Variants in CPEB2 observed in about 807,000 individuals in gnomAD.
CPEB2 encodes cytoplasmic polyadenylation element-binding protein 2.
In CPEB2, 56 loss-of-function variants were observed where a neutral mutation model predicts 93.6. The ratio of observed to expected loss-of-function variants is 0.60; its 90% CI spans 0.48 to 0.75. The LOEUF (loss-of-function observed/expected upper bound fraction) is 0.75, where lower values mean the gene tolerates loss of function less well. Ranked by LOEUF, CPEB2 falls within the 30% of genes least tolerant of loss-of-function variation. The pLI, the probability that CPEB2 is intolerant of heterozygous loss-of-function variation, is 0.00. For synonymous variants in CPEB2, 764 were observed against 586.3 expected, an observed-to-expected ratio of 1.30 and a Z score of -4.38; for missense variants, 1,579 against 1,395.1, an observed-to-expected ratio of 1.13 and a Z score of -2.10.
chr4:15,005,489 G>A (rs1336598322), intron 1 of CPEB2, among the ~76,000 whole-genome samples: 4 of 152,174 alleles, frequency 2.6e-5, no homozygotes, highest in Non-Finnish European at 1.5e-5. Context: ...CCGCTAGATT[G>A]GTAAATTGGC....
chr4:15,034,542 G>A (rs1456039082), intron 5 of CPEB2, among the ~76,000 whole-genome samples: 2 of 152,104 alleles, frequency 1.3e-5, no homozygotes, highest in East Asian at 3.9e-4. Flanking sequence ...GTCATTTGGG[G>A]CCACAATGCA....
chr4:15,017,049 T>A, intron 3 of CPEB2, 139 bp from the exon 4 acceptor site: 2 of 591,830 alleles, frequency 3.4e-6, no homozygotes, highest in South Asian at 4.0e-5. Flanking sequence ...TCTTTAGTTA[T>A]TGGTATTTTT....
Position 15,007,530 on chromosome 4 carries a change from A to T in CPEB2, c.1888A>T (p.Ile630Phe), listed in dbSNP as rs1162099509. ...TCCATCACTGACTCCAAAATCTTGG[A>T]TTGAAGATAATGTGTTCAGAACAGA... is the stretch of plus-strand genomic sequence containing the variant. Reference protein sequence around the residue: ...STPSLTPKSWIEDNVFRTDNN... With the variant: ...STPSLTPKSWFEDNVFRTDNN... The change falls in exon 2 of 12, where the codon ATT becomes TTT. Residue 630 changes from isoleucine (I) to phenylalanine (F), a missense_variant. By Grantham distance (21) the Ile-to-Phe change is conservative. Transcript: ENST00000538197. 5 of 1,613,846 alleles carry T rather than the reference A, an allele frequency of 3.1e-6. No individual in the cohort carries two copies. In the South Asian group the frequency reaches 5.5e-5, roughly 18 times the overall value.
chr4:15,003,216 G>A lies in CPEB2; in HGVS notation c.543G>A (p.Glu181=). 6.5e-7 allele frequency: 1 copy of A among 1,532,446 alleles called. No individual in the cohort carries two copies. Among genetic ancestry groups the A allele is most frequent in the Non-Finnish European group, 8.7e-7 (1 of 1,145,698 alleles). The allele number at this position is 1,532,446 out of a possible 1,614,324, so 94.9% of individuals were successfully genotyped here. A position where few individuals can be genotyped will look rare whatever the true frequency, so the allele number is the denominator to read the frequency against. Residue 181 remains glutamate (E), a synonymous_variant, in exon 1 of 12, where the codon GAG becomes GAA. Transcript: ENST00000538197. ...AGCTGAGCAGCCAGAAGAGGAAAGA[G>A]TTCAGCCCTCCCCACCTTCCCCACC... ...QQQLSSQKRK[E]FSPPHLPHPP... is the part of the protein sequence containing the mutation.
At chr4:15,065,211 A>T (rs962630811) in intron 11 of CPEB2, among the ~76,000 whole-genome samples, 2 of 152,066 alleles carry the variant, frequency 1.3e-5, no homozygotes, top group Non-Finnish European at 2.9e-5. Context: ...TCATGCAAGT[A>T]TTTCAGTAGA....
intron 5 of CPEB2, among the ~76,000 whole-genome samples, chr4:15,033,498 T>C (rs950229066): frequency 6.6e-6 from 1 of 152,234 alleles, no homozygotes; most frequent in African/African-American, 2.4e-5. Flanking sequence ...GACAGATTAC[T>C]ATTACCTTAG....
intron 6 of CPEB2, among the ~76,000 whole-genome samples, chr4:15,044,935 A>T (rs1285049819): frequency 6.6e-6 from 1 of 152,182 alleles, no homozygotes; most frequent in Non-Finnish European, 1.5e-5. Flanking sequence ...TATTATAACT[A>T]CTATTTTGCC....
chr4:15,002,579 T>C lies in CPEB2; in HGVS notation c.-95T>C. 9.7e-7 allele frequency: 1 copy of C among 1,032,976 alleles called. No homozygotes were observed. The highest frequency in any genetic ancestry group is 1.3e-6 in the Non-Finnish European group (1 of 744,066). 64.0% of individuals were successfully genotyped at this position (1,032,976 alleles called of 1,614,324 possible). A position where few individuals can be genotyped will look rare whatever the true frequency, so the allele number is the denominator to read the frequency against. On this transcript the variant is annotated 5_prime_UTR_variant, in exon 1 of 12. Coordinates refer to ENST00000538197, the MANE Select transcript of CPEB2 (RefSeq NM_001177382.2). ...GTGTCCCTCTCTCACTGACTCCCCC[T>C]CCTTCCACCACGGCCGCGCAACCCC...
intron 8 of CPEB2, 113 bp downstream of exon 8, chr4:15,054,330 A>T: frequency 1.3e-6 from 1 of 747,530 alleles, no homozygotes; most frequent in South Asian, 1.6e-5. Flanking sequence ...ATGATTTGAT[A>T]ATTTCATAGA....
At chr4:15,050,480 T>C (rs1728124648) in intron 6 of CPEB2, among the ~76,000 whole-genome samples, 1 of 152,168 alleles carries the variant, frequency 6.6e-6, no homozygotes, top group Non-Finnish European at 1.5e-5. Flanking sequence ...CTTGTCCATA[T>C]TCTTACTGTT....
At chr4:15,006,236 A>C (rs1001045869) in intron 1 of CPEB2, among the ~76,000 whole-genome samples, 6 of 152,170 alleles carry the variant, frequency 3.9e-5, no homozygotes, top group Non-Finnish European at 7.3e-5. Flanking sequence ...AAAGTGTTTA[A>C]AAATTGGTGC....
chr4:15,045,960 G>A (rs143608099), intron 6 of CPEB2, among the ~76,000 whole-genome samples: 95 of 152,196 alleles, frequency 6.2e-4, no homozygotes, highest in African/African-American at 2.2e-3. Flanking sequence ...TTTCTTATTG[G>A]TGAATAACAT....
rs1651165729 is a variant in CPEB2, at chr4:15,007,285, A to C, written c.1663-20A>C. ...TAAATTCTTTAAATGCCGCAATTTA[A>C]ATAGCTATGTTTTCCCTAGCCTCTT... On this transcript the variant is annotated intron_variant, in intron 1 of 11. Transcript: ENST00000538197. The C allele has an allele frequency of 2.1e-6, 3 of 1,415,886 alleles. No homozygotes were observed. The highest frequency in any genetic ancestry group is 1.9e-6 in the Non-Finnish European group (2 of 1,076,720). 87.7% of individuals were successfully genotyped at this position (1,415,886 alleles called of 1,614,324 possible). A position where few individuals can be genotyped will look rare whatever the true frequency, so the allele number is the denominator to read the frequency against.
Position 15,058,519 on chromosome 4 carries a change from C to G in CPEB2, c.2560C>G (p.Pro854Ala). 6.2e-7 allele frequency: 1 copy of G among 1,605,472 alleles called. No homozygotes were observed. Among genetic ancestry groups the G allele is most frequent in the Non-Finnish European group, 8.5e-7 (1 of 1,172,560 alleles). Residue 854 changes from proline to alanine, a missense_variant, in exon 9 of 12, where the codon CCT (proline) becomes GCT (alanine). By Grantham distance (27) the Pro-to-Ala change is conservative. Transcript: ENST00000538197. The stretch of plus-strand genomic sequence containing the variant: ...AAAACTCTATCTGTGTGTTTCTAGC[C>G]CTACTATCAAGGACAAACCAGTAAG... ...DGKLYLCVSSPTIKDKPVQIR... is the reference protein window; with the variant it reads ...DGKLYLCVSSATIKDKPVQIR...
At chr4:15,004,604 C>CCCCCTCGAACGT (rs1722528832) in intron 1 of CPEB2, among the ~76,000 whole-genome samples, 5 of 152,052 alleles carry the variant, frequency 3.3e-5, no homozygotes, top group Admixed American at 3.3e-4. Context: ...TGGCCGGGCG[C>CCCCCTCGAACGT]CCCCTCGAAC....
chr4:15,026,130 C>A (rs1290133688), intron 4 of CPEB2, among the ~76,000 whole-genome samples: 2 of 152,102 alleles, frequency 1.3e-5, no homozygotes, highest in Non-Finnish European at 2.9e-5. Flanking sequence ...GCACCCCTAT[C>A]AAGGGTAGAT....
At position 15,029,430 on chromosome 4, in the gene CPEB2, A is replaced by G. The variant is rs552005949; in HGVS notation, c.2126-3731A>G. ...TAGTTATTCACTGATACCCAAAAAT[A>G]CATATATTTTTTAAATTACTTATTT... On this transcript the variant is annotated intron_variant, in intron 4 of 11. Transcript: ENST00000538197. Among the ~76,000 whole-genome samples, 11 of 152,228 alleles carry G rather than the reference A, an allele frequency of 7.2e-5. No individual in the cohort carries two copies. In the East Asian group the frequency reaches 1.9e-3, roughly 27 times the overall value.
At chr4:15,015,927 C>T (rs1253687748) in intron 3 of CPEB2, among the ~76,000 whole-genome samples, 1 of 151,994 alleles carries the variant, frequency 6.6e-6, no homozygotes, top group Non-Finnish European at 1.5e-5. Flanking sequence ...TGTGGCATCT[C>T]TGTCTCTCAG....
intron 10 of CPEB2, among the ~76,000 whole-genome samples, chr4:15,061,113 C>T (rs531770859): frequency 6.6e-6 from 1 of 152,146 alleles, no homozygotes; most frequent in Admixed American, 6.5e-5. Context: ...TGGCCAGTGC[C>T]TGTTAAATAT....
Sources: allele counts gnomAD v4.1 joint callset (sites outside exome capture counted in the v4.1 genomes callset), GRCh38; gene constraint gnomAD v4.1.1; transcripts MANE v1.5; gene names NCBI Gene and HGNC (gene_info 2026-07-23, HGNC 2026-07-21).